The following ANKRD30A variants were observed in gnomAD, a reference collection of about 807,000 sequenced individuals.
ANKRD30A encodes ankyrin repeat domain-containing protein 30A.
In ANKRD30A, 170 loss-of-function variants were observed where a neutral mutation model predicts 166.3. The ratio of observed to expected loss-of-function variants is 1.02; its 90% CI spans 0.90 to 1.16. The LOEUF is 1.16. Ranked by LOEUF, ANKRD30A falls within the 50% of genes most tolerant of loss-of-function variation. The pLI is 0.00. For missense variants in ANKRD30A, 1,630 were observed against 1,518.0 expected (o/e 1.07, Z -1.23); for synonymous variants, 564 against 508.9 (o/e 1.11, Z -1.46).
the ANKRD30A span, among the ~76,000 whole-genome samples, chr10:37,260,558 C>G: frequency 6.6e-6 from 1 of 152,174 alleles, no homozygotes; most frequent in African/African-American, 2.4e-5. Flanking sequence ...AAGTGTGTGC[C>G]TAGAAGCTGG....
At chr10:37,192,766 C>G (rs1049868191) in intron 25 of ANKRD30A, among the ~76,000 whole-genome samples, 1 of 151,942 alleles carries the variant, frequency 6.6e-6, no homozygotes, top group Non-Finnish European at 1.5e-5. Context: ...CTTATACGGC[C>G]GCTTTCTCTT....
chr10:37,201,394 G>A (rs1841616540), intron 31 of ANKRD30A, 69 bp downstream of exon 31: 1 of 1,193,658 alleles, frequency 8.4e-7, no homozygotes, highest in South Asian at 1.5e-5. Flanking sequence ...GGAAGGATAT[G>A]CTCTAATAGC....
intron 31 of ANKRD30A, among the ~76,000 whole-genome samples, chr10:37,212,809 T>C (rs1479357931): frequency 1.3e-5 from 2 of 151,960 alleles, no homozygotes; most frequent in Non-Finnish European, 2.9e-5. Context: ...CAACACCATT[T>C]ATTAAATAGG....
chr10:37,206,616 C>A (rs933969602), intron 31 of ANKRD30A, among the ~76,000 whole-genome samples: 9 of 151,994 alleles, frequency 5.9e-5, no homozygotes, highest in African/African-American at 1.7e-4. Context: ...ATGGTGAAAC[C>A]CAGTCTCTAC....
chr10:37,152,321 A>T (rs1014886700), intron 12 of ANKRD30A, among the ~76,000 whole-genome samples, 200 bp downstream of exon 12: 3 of 152,236 alleles, frequency 2.0e-5, no homozygotes, highest in African/African-American at 7.2e-5. Context: ...AATTTGTACG[A>T]TTAATTTAAG....
intron 19 of ANKRD30A, 146 bp downstream of exon 19, chr10:37,166,841 G>C: frequency 7.2e-7 from 1 of 1,392,582 alleles, no homozygotes; most frequent in Non-Finnish European, 9.7e-7. Flanking sequence ...TAAGTTATGT[G>C]TCTCATCAGG....
the ANKRD30A span, chr10:37,241,389 T>G: frequency 6.6e-6 from 1 of 151,564 alleles, no homozygotes; most frequent in Non-Finnish European, 1.5e-5. Context: ...TATAAAATTT[T>G]TTCTTAAAAA....
chr10:37,167,270 A>G (rs1839426742), intron 19 of ANKRD30A, among the ~76,000 whole-genome samples: 1 of 136,708 alleles, frequency 7.3e-6, no homozygotes, highest in African/African-American at 3.0e-5. Context: ...AATTTTCTTT[A>G]TTACTATGAG....
chr10:37,134,119 A>C (rs920685074), intron 5 of ANKRD30A, 66 bp downstream of exon 5: 1 of 1,572,488 alleles, frequency 6.4e-7, no homozygotes, highest in Non-Finnish European at 8.7e-7. Flanking sequence ...TTTGAATTAC[A>C]GTGAGTTCAC....
chr10:37,151,979 T>A (rs984742815), intron 11 of ANKRD30A, 81 bp from the exon 12 acceptor site: 9 of 1,278,222 alleles, frequency 7.0e-6, no homozygotes, highest in Non-Finnish European at 9.8e-6. Context: ...GATTCGTGAA[T>A]GAAAGTAGAT....
intron 34 of ANKRD30A, among the ~76,000 whole-genome samples, chr10:37,221,036 C>T (rs1842873383): frequency 6.9e-6 from 1 of 143,910 alleles, no homozygotes; most frequent in Non-Finnish European, 1.5e-5. Flanking sequence ...ACCATTAGTC[C>T]TTCCCACATT....
At chr10:37,236,980 TATG>T (rs1206800545), downstream of ANKRD30A, among the ~76,000 whole-genome samples, 1 of 152,238 alleles carries the variant, frequency 6.6e-6, no homozygotes, top group Non-Finnish European at 1.5e-5. Context: ...TCACTGATGT[TATG>T]ATATTAGTTT....
intron 32 of ANKRD30A, among the ~76,000 whole-genome samples, chr10:37,216,889 T>C (rs1842632773): frequency 1.3e-5 from 2 of 151,092 alleles, no homozygotes; most frequent in South Asian, 4.1e-4. Context: ...TGGCCATTCT[T>C]CTTTCCCCAA....
intron 27 of ANKRD30A, among the ~76,000 whole-genome samples, chr10:37,196,742 A>T (rs1312739968): frequency 6.6e-6 from 1 of 152,154 alleles, no homozygotes; most frequent in African/African-American, 2.4e-5. Flanking sequence ...AGGATACAGA[A>T]ATATAGGCAT....
chr10:37,155,942 G>C (rs534280582), intron 13 of ANKRD30A, among the ~76,000 whole-genome samples: 1 of 151,946 alleles, frequency 6.6e-6, no homozygotes, highest in Non-Finnish European at 1.5e-5. Context: ...TTAGCCGGGC[G>C]TGGTGGTGGG....
At chr10:37,178,157 G>T (rs1375540730) in intron 24 of ANKRD30A, among the ~76,000 whole-genome samples, 1 of 151,258 alleles carries the variant, frequency 6.6e-6, no homozygotes, top group Non-Finnish European at 1.5e-5. Flanking sequence ...TTAGAAATTT[G>T]GGAAGAATAT....
At chr10:37,254,951 G>A in the ANKRD30A span, among the ~76,000 whole-genome samples, 1 of 151,734 alleles carries the variant, frequency 6.6e-6, no homozygotes, top group East Asian at 1.9e-4. Context: ...CAAAGTTCTG[G>A]GATTACAGGT....
At chr10:37,219,941 A>G in intron 34 of ANKRD30A, 44 bp downstream of exon 34, 2 of 1,354,260 alleles carry the variant, frequency 1.5e-6, no homozygotes, top group South Asian at 3.6e-5. Context: ...TTCCTGAAAG[A>G]AAGTTTAAAG....
chr10:37,151,641 G>T (rs17590023), intron 11 of ANKRD30A, among the ~76,000 whole-genome samples: 7 of 151,984 alleles, frequency 4.6e-5, no homozygotes, highest in African/African-American at 1.2e-4. Context: ...TCATCTTTGT[G>T]GAAGAACTGT....
Sources: allele counts gnomAD v4.1 joint callset (sites outside exome capture counted in the v4.1 genomes callset), GRCh38; gene constraint gnomAD v4.1.1; transcripts MANE v1.5; gene names NCBI Gene and HGNC (gene_info 2026-07-23, HGNC 2026-07-21).